Variants in CFAP299 observed in about 807,000 individuals in gnomAD.
The protein encoded by CFAP299 is cilia and flagella associated protein 299.
In CFAP299, 21 loss-of-function variants were observed where a neutral mutation model predicts 27.0. The observed-to-expected ratio is 0.78, with a 90% CI of 0.55 to 1.12. CFAP299 has a LOEUF of 1.12. CFAP299 is among the 50% of genes most tolerant of loss of function. CFAP299 has a pLI of 0.00. For synonymous variants in CFAP299, 104 were observed against 98.1 expected (o/e 1.06, Z -0.36); for missense variants, 310 against 276.6 (o/e 1.12, Z -0.86).
At chr4:80,588,045 T>TGTGGTTTCA (rs1332579322) in intron 3 of CFAP299, among the ~76,000 whole-genome samples, 3 of 151,246 alleles carry the variant, frequency 2.0e-5, no homozygotes, top group Non-Finnish European at 4.4e-5. Flanking sequence ...TAGGCAGAGA[T>TGTGGTTTCA]GTGGTTTCAG....
At chr4:80,946,563 G>A (rs1313247068) in intron 5 of CFAP299, among the ~76,000 whole-genome samples, 1 of 152,154 alleles carries the variant, frequency 6.6e-6, no homozygotes, top group Admixed American at 6.6e-5. Flanking sequence ...AATGCACCCA[G>A]CTAAAAACAG....
At chr4:80,921,322 T>C (rs958719062) in intron 4 of CFAP299, among the ~76,000 whole-genome samples, 4 of 152,078 alleles carry the variant, frequency 2.6e-5, no homozygotes, top group African/African-American at 9.7e-5. Flanking sequence ...GAGATAGATA[T>C]GTTCAGTGTG....
intron 4 of CFAP299, among the ~76,000 whole-genome samples, chr4:80,925,139 T>C (rs1736243449): frequency 6.6e-6 from 1 of 151,964 alleles, no homozygotes; most frequent in African/African-American, 2.4e-5. Flanking sequence ...GCTTACTATG[T>C]CCCTCAATAT....
At chr4:80,648,180 A>G in intron 3 of CFAP299, among the ~76,000 whole-genome samples, 1 of 152,238 alleles carries the variant, frequency 6.6e-6, no homozygotes, top group Non-Finnish European at 1.5e-5. Context: ...AATCATAAAC[A>G]TCTAGATGAT....
At chr4:80,439,144 A>G (rs373800724) in intron 2 of CFAP299, among the ~76,000 whole-genome samples, 3 of 152,094 alleles carry the variant, frequency 2.0e-5, no homozygotes, top group African/African-American at 7.2e-5. Flanking sequence ...ACTTATTTCT[A>G]TTATCTAATT....
intron 3 of CFAP299, among the ~76,000 whole-genome samples, chr4:80,694,985 A>G (rs1720995212): frequency 6.6e-6 from 1 of 152,222 alleles, no homozygotes; most frequent in African/African-American, 2.4e-5. Context: ...TTGTGCTAGC[A>G]GTGACCAAAT....
chr4:80,867,835 G>C (rs1329415761), intron 3 of CFAP299, among the ~76,000 whole-genome samples: 1 of 152,120 alleles, frequency 6.6e-6, no homozygotes, highest in African/African-American at 2.4e-5. Flanking sequence ...TATGAATTTG[G>C]GGAGGACACA....
intron 2 of CFAP299, among the ~76,000 whole-genome samples, chr4:80,365,977 A>G (rs1435622989): frequency 6.6e-6 from 1 of 152,146 alleles, no homozygotes; most frequent in African/African-American, 2.4e-5. Context: ...GAGCTGCTAG[A>G]ATTTGAAGGC....
intron 2 of CFAP299, among the ~76,000 whole-genome samples, chr4:80,429,006 T>G (rs1045082588): frequency 1.3e-5 from 2 of 152,202 alleles, no homozygotes; most frequent in Non-Finnish European, 2.9e-5. Flanking sequence ...CATGAGGTTA[T>G]TTATGGGATG....
intron 3 of CFAP299, among the ~76,000 whole-genome samples, chr4:80,708,180 T>C (rs1476833445): frequency 1.3e-5 from 2 of 152,086 alleles, no homozygotes; most frequent in African/African-American, 4.8e-5. Context: ...TTGATTTTCA[T>C]AGTTTGACCA....
intron 3 of CFAP299, among the ~76,000 whole-genome samples, chr4:80,858,756 G>T (rs939751276): frequency 1.7e-4 from 26 of 152,238 alleles, no homozygotes; most frequent in South Asian, 4.1e-4. Context: ...TAGTTTGATT[G>T]CACTCTGGTC....
At chr4:80,451,192 G>C (rs1728888031) in intron 2 of CFAP299, among the ~76,000 whole-genome samples, 1 of 152,174 alleles carries the variant, frequency 6.6e-6, no homozygotes, top group Admixed American at 6.5e-5. Context: ...CTGGCTCGCA[G>C]ATGGATGGCT....
chr4:80,777,909 A>G (rs1299089436), intron 3 of CFAP299, among the ~76,000 whole-genome samples: 2 of 152,150 alleles, frequency 1.3e-5, no homozygotes, highest in Non-Finnish European at 2.9e-5. Flanking sequence ...AAGCTGGTCA[A>G]TAGGTACAGG....
At chr4:80,812,729 T>TAAAAA (rs1729220523) in intron 3 of CFAP299, among the ~76,000 whole-genome samples, 1 of 152,120 alleles carries the variant, frequency 6.6e-6, no homozygotes, top group African/African-American at 2.4e-5. Context: ...GCATTCATAT[T>TAAAAA]AAAAATGGAA....
intron 2 of CFAP299, among the ~76,000 whole-genome samples, chr4:80,395,047 T>C (rs372019831): frequency 6.0e-4 from 91 of 152,220 alleles, no homozygotes; most frequent in African/African-American, 2.1e-3. Flanking sequence ...TTAATTATTC[T>C]AATTCATGAA....
intron 2 of CFAP299, among the ~76,000 whole-genome samples, chr4:80,471,225 C>G (rs190564649): frequency 6.6e-6 from 1 of 152,110 alleles, no homozygotes; most frequent in Non-Finnish European, 1.5e-5. Flanking sequence ...TTATTATATA[C>G]TATTTTAACT....
At chr4:80,464,620 T>C (rs953438473) in intron 2 of CFAP299, among the ~76,000 whole-genome samples, 10 of 152,192 alleles carry the variant, frequency 6.6e-5, no homozygotes. Flanking sequence ...AACACACTCT[T>C]TCTTGCTCTT....
At chr4:80,448,308 C>T (rs1728741507) in intron 2 of CFAP299, among the ~76,000 whole-genome samples, 1 of 152,126 alleles carries the variant, frequency 6.6e-6, no homozygotes, top group Non-Finnish European at 1.5e-5. Context: ...TTTAAGAATG[C>T]CTAGTTCCTG....
intron 4 of CFAP299, among the ~76,000 whole-genome samples, chr4:80,878,343 T>C (rs905390143): frequency 1.3e-5 from 2 of 152,106 alleles, no homozygotes; most frequent in African/African-American, 4.8e-5. Context: ...CTTATCTGTG[T>C]ATTTTCTTTA....
Sources: gnomAD v4.1 joint callset for allele counts (sites outside exome capture counted in the v4.1 genomes callset) on GRCh38, gnomAD v4.1.1 for gene constraint, MANE v1.5 for transcripts, NCBI Gene and HGNC (gene_info 2026-07-23, HGNC 2026-07-21) for gene names.